CCSER1: variants seen among roughly 807,000 people sequenced by gnomAD.
CCSER1 encodes coiled-coil serine rich protein 1.
A neutral mutation model predicts 82.0 loss-of-function variants in CCSER1; 41 were observed. The observed-to-expected ratio is 0.50, with a 90% CI of 0.39 to 0.65. The LOEUF (loss-of-function observed/expected upper bound fraction) is 0.65. Among genes scored for constraint, CCSER1 ranks in the 30% least tolerant of loss-of-function variants. The probability of loss-of-function intolerance (pLI) is 0.00; values close to 1 mark genes in which losing one functional copy is unlikely to be tolerated. For synonymous variants in CCSER1, 414 were observed against 383.9 expected, an observed-to-expected ratio of 1.08 and a Z score of -0.92; for missense variants, 1,119 against 1,064.2, an observed-to-expected ratio of 1.05 and a Z score of -0.72.
At chr4:90,469,524 AACACACACACACACAC>A (rs3971380) in intron 5 of CCSER1, among the ~76,000 whole-genome samples, 5 of 136,340 alleles carry the variant, frequency 3.7e-5, no homozygotes, top group Admixed American at 7.4e-5. Flanking sequence ...TTTCCTGCAA[AACACACACACACACAC>A]ACACACACAC....
At chr4:90,320,636 A>G (rs758188116) in intron 3 of CCSER1, among the ~76,000 whole-genome samples, 4 of 152,258 alleles carry the variant, frequency 2.6e-5, no homozygotes, top group South Asian at 2.1e-4. Context: ...GATTTTTAAA[A>G]TCCGCTGCTA....
At chr4:90,227,499 T>C (rs1372694105) in intron 1 of CCSER1, among the ~76,000 whole-genome samples, 1 of 152,194 alleles carries the variant, frequency 6.6e-6, no homozygotes, top group Non-Finnish European at 1.5e-5. Context: ...TATACATCAG[T>C]ATTTAGTAAA....
chr4:90,589,815 T>C (rs149981701), intron 5 of CCSER1, among the ~76,000 whole-genome samples: 36 of 152,328 alleles, frequency 2.4e-4, no homozygotes, highest in Admixed American at 4.6e-4. Context: ...ACTAGAAACT[T>C]TCTATTAAAA....
intron 10 of CCSER1, among the ~76,000 whole-genome samples, chr4:91,559,046 T>G (rs1762536307): frequency 6.6e-6 from 1 of 151,588 alleles, no homozygotes; most frequent in Non-Finnish European, 1.5e-5. Flanking sequence ...CTTCCTTTGC[T>G]TTCAGTGTAC....
At chr4:90,717,138 G>C (rs763929817) in intron 6 of CCSER1, among the ~76,000 whole-genome samples, 38 of 152,078 alleles carry the variant, frequency 2.5e-4, no homozygotes, top group Non-Finnish European at 5.0e-4. Context: ...TAAATAATGC[G>C]GCTTCTGTGC....
At chr4:90,401,437 C>G (rs2153545379) in intron 4 of CCSER1, among the ~76,000 whole-genome samples, 1 of 152,276 alleles carries the variant, frequency 6.6e-6, no homozygotes, top group East Asian at 1.9e-4. Context: ...CAATAGGATA[C>G]TTGTTGAATA....
chr4:91,083,371 C>T (rs1242640127), intron 9 of CCSER1, among the ~76,000 whole-genome samples: 2 of 151,818 alleles, frequency 1.3e-5, no homozygotes, highest in African/African-American at 4.8e-5. Flanking sequence ...TAAGAACACA[C>T]AGACACAAGG....
At chr4:90,541,512 A>G (rs1776113086) in intron 5 of CCSER1, among the ~76,000 whole-genome samples, 1 of 152,066 alleles carries the variant, frequency 6.6e-6, no homozygotes, top group Non-Finnish European at 1.5e-5. Context: ...TGAGTTTACC[A>G]ATTTGTAACA....
intron 4 of CCSER1, among the ~76,000 whole-genome samples, chr4:90,407,941 C>T (rs1260631237): frequency 6.6e-6 from 1 of 152,206 alleles, no homozygotes; most frequent in South Asian, 2.1e-4. Flanking sequence ...TACCCTAATA[C>T]TGCACTTTTC....
rs376643525 is a variant in CCSER1 at position 90,384,157 on chromosome 4, A to T, written c.1510-15879A>T. On this transcript the variant is annotated intron_variant, in intron 3 of 10. Coordinates refer to ENST00000509176, the MANE Select transcript of CCSER1 (RefSeq NM_001145065.2). ...TTTATTTTATTTTATTTTTTTAATT[A>T]TACTTTAAGTTCTAGGGTACGTGTG... Among the ~76,000 whole-genome samples, 231 of 151,332 alleles carry T rather than the reference A, an allele frequency of 1.5e-3. 5 individuals are homozygous for T. The South Asian group carries it at 0.045, about 29-fold the overall frequency.
chr4:90,133,745 T>A (rs1723191968), intron 1 of CCSER1, among the ~76,000 whole-genome samples: 1 of 152,218 alleles, frequency 6.6e-6, no homozygotes, highest in South Asian at 2.1e-4. Flanking sequence ...TATATAGTTT[T>A]GCATTATGTT....
At chr4:90,326,349 C>T (rs1291635108) in intron 3 of CCSER1, among the ~76,000 whole-genome samples, 7 of 152,042 alleles carry the variant, frequency 4.6e-5, no homozygotes, top group South Asian at 4.1e-4. Flanking sequence ...CGTGAGCCAC[C>T]GTGCCCAGCC....
chr4:90,741,555 T>TATAATAAATCAATG (rs1746557733), intron 7 of CCSER1, among the ~76,000 whole-genome samples: 1 of 152,240 alleles, frequency 6.6e-6, no homozygotes, highest in Admixed American at 6.5e-5. Flanking sequence ...ATATTTTTGA[T>TATAATAAATCAATG]ATAATATCAT....
intron 10 of CCSER1, among the ~76,000 whole-genome samples, chr4:91,358,516 A>C (rs1046509089): frequency 7.2e-5 from 11 of 151,996 alleles, no homozygotes; most frequent in Admixed American, 7.2e-4. Context: ...AAATCATGAA[A>C]TTCAAAATCC....
intron 5 of CCSER1, among the ~76,000 whole-genome samples, chr4:90,545,444 T>C (rs1007657332): frequency 6.6e-6 from 1 of 152,138 alleles, no homozygotes; most frequent in Non-Finnish European, 1.5e-5. Context: ...TTTAAATATA[T>C]AATTTCATGT....
intron 10 of CCSER1, among the ~76,000 whole-genome samples, chr4:91,278,889 G>T (rs538605496): frequency 2.6e-4 from 40 of 152,040 alleles, no homozygotes; most frequent in African/African-American, 9.6e-4. Flanking sequence ...TTGCCTGATG[G>T]TAGATATTAT....
intron 4 of CCSER1, among the ~76,000 whole-genome samples, chr4:90,429,272 C>T (rs1264849181): frequency 6.6e-6 from 1 of 151,700 alleles, no homozygotes; most frequent in Non-Finnish European, 1.5e-5. Flanking sequence ...AGCCACATTG[C>T]CATTGTAGAA....
At chr4:91,474,994 A>G (rs1170044918) in intron 10 of CCSER1, among the ~76,000 whole-genome samples, 2 of 151,812 alleles carry the variant, frequency 1.3e-5, no homozygotes, top group East Asian at 3.9e-4. Flanking sequence ...ATTGGGTAAT[A>G]AAGGTGGGTT....
At chr4:91,014,441 G>A (rs1459944326) in intron 9 of CCSER1, among the ~76,000 whole-genome samples, 1 of 133,780 alleles carries the variant, frequency 7.5e-6, no homozygotes, top group East Asian at 2.4e-4. Flanking sequence ...TCCACACCAC[G>A]TCCTACTCCT....
Sources: gnomAD v4.1 joint callset for allele counts (sites outside exome capture counted in the v4.1 genomes callset) on GRCh38, gnomAD v4.1.1 for gene constraint, MANE v1.5 for transcripts, NCBI Gene and HGNC (gene_info 2026-07-23, HGNC 2026-07-21) for gene names.